Variants in RGS7 observed in about 807,000 individuals in gnomAD.
The protein encoded by RGS7 is regulator of G-protein signaling 7.
Under a neutral mutation model 81.1 loss-of-function variants are expected in RGS7, and 27 were observed. That is an observed-to-expected ratio of 0.33 (90% confidence interval 0.25 to 0.46). The LOEUF (loss-of-function observed/expected upper bound fraction) is 0.46, where lower values mean the gene tolerates loss of function less well. Among genes scored for constraint, RGS7 ranks in the 20% least tolerant of loss-of-function variants. The probability of loss-of-function intolerance (pLI) is 1.00; values close to 1 mark genes in which losing one functional copy is unlikely to be tolerated. For synonymous variants in RGS7, 208 were observed against 207.7 expected (o/e 1.00, Z -0.01); for missense variants, 396 against 607.4 (o/e 0.65, Z 3.66).
At chr1:240,956,014 T>C (rs1190743890) in intron 4 of RGS7, among the ~76,000 whole-genome samples, 1 of 152,202 alleles carries the variant, frequency 6.6e-6, no homozygotes, top group Admixed American at 6.5e-5. Context: ...CAACATGACC[T>C]TACATACCAG....
chr1:241,129,529 G>A (rs929689888), intron 2 of RGS7, among the ~76,000 whole-genome samples: 18 of 152,100 alleles, frequency 1.2e-4, no homozygotes, highest in African/African-American at 2.9e-4. Flanking sequence ...AAAAAGCATC[G>A]CCAGCACCCT....
chr1:241,355,289 AGTGGTC>A, intron 2 of RGS7, among the ~76,000 whole-genome samples: 1 of 152,222 alleles, frequency 6.6e-6, no homozygotes, highest in East Asian at 1.9e-4. Flanking sequence ...AAAATTGCAA[AGTGGTC>A]TACTTTTATT....
intron 4 of RGS7, among the ~76,000 whole-genome samples, chr1:240,937,419 T>G (rs1204401431): frequency 6.6e-6 from 1 of 152,226 alleles, no homozygotes; most frequent in Non-Finnish European, 1.5e-5. Context: ...TGCTTTTTCT[T>G]CTTTTTTCAG....
At chr1:241,100,894 T>C (rs1332652218) in intron 2 of RGS7, among the ~76,000 whole-genome samples, 1 of 152,216 alleles carries the variant, frequency 6.6e-6, no homozygotes, top group African/African-American at 2.4e-5. Context: ...CCTTGCCTTG[T>C]CTCTGCCCCC....
intron 9 of RGS7, among the ~76,000 whole-genome samples, chr1:240,864,894 T>C (rs1239067754): frequency 2.6e-5 from 4 of 152,212 alleles, no homozygotes; most frequent in Non-Finnish European, 4.4e-5. Context: ...GTGAGATTCA[T>C]AGATGTCATT....
chr1:241,141,781 C>T (rs1297429560), intron 2 of RGS7, among the ~76,000 whole-genome samples: 1 of 152,138 alleles, frequency 6.6e-6, no homozygotes, highest in Non-Finnish European at 1.5e-5. Flanking sequence ...ATGCCCCTGG[C>T]CCCTGGAAAA....
intron 2 of RGS7, among the ~76,000 whole-genome samples, chr1:241,105,316 C>A (rs568151650): frequency 8.9e-4 from 136 of 152,230 alleles, no homozygotes; most frequent in African/African-American, 3.1e-3. Flanking sequence ...CATGTGTAAG[C>A]CCTCAAGATG....
intron 2 of RGS7, among the ~76,000 whole-genome samples, chr1:241,240,766 T>C (rs192020964): frequency 2.4e-3 from 371 of 152,312 alleles, no homozygotes; most frequent in Non-Finnish European, 4.2e-3. Context: ...TTATGACATA[T>C]AGTTTTAAAT....
At chr1:241,057,389 C>G (rs1285443346) in intron 3 of RGS7, among the ~76,000 whole-genome samples, 1 of 152,150 alleles carries the variant, frequency 6.6e-6, no homozygotes, top group Non-Finnish European at 1.5e-5. Flanking sequence ...GTTATGTATT[C>G]AGACTTATTA....
intron 2 of RGS7, among the ~76,000 whole-genome samples, chr1:241,255,314 T>C (rs908667921): frequency 1.3e-5 from 2 of 152,216 alleles, no homozygotes; most frequent in Non-Finnish European, 2.9e-5. Context: ...AACCAGGTTT[T>C]ATAGAAGAGA....
At chr1:240,838,847 A>G (rs544102455) in intron 9 of RGS7, among the ~76,000 whole-genome samples, 92 of 152,072 alleles carry the variant, frequency 6.0e-4, no homozygotes, top group Non-Finnish European at 1.0e-3. Context: ...GCTCACCGCA[A>G]GCTCCGCCTC....
Position 241,205,442 on chromosome 1 carries a change from T to A in RGS7, c.79-106680A>T, listed in dbSNP as rs190634077. ...AAACCAATTAGCTAGTGGGAAAAAA[T>A]TAATTAGCATTTGTAGGATATACTT... On this transcript the variant is annotated intron_variant, in intron 2 of 18. Coordinates refer to ENST00000440928, the MANE Select transcript of RGS7 (RefSeq NM_001364886.1). Among the ~76,000 whole-genome samples the A allele has an allele frequency of 1.1e-4, 16 of 151,822 alleles. No individual in the cohort carries two copies. In the East Asian group the frequency reaches 2.9e-3, roughly 28 times the overall value.
intron 2 of RGS7, among the ~76,000 whole-genome samples, chr1:241,249,638 A>G (rs923953417): frequency 6.6e-6 from 1 of 152,152 alleles, no homozygotes; most frequent in Non-Finnish European, 1.5e-5. Flanking sequence ...ATTGCAATGA[A>G]TCTATAGATC....
intron 2 of RGS7, among the ~76,000 whole-genome samples, chr1:241,168,010 T>G (rs2070403767): frequency 6.6e-6 from 1 of 152,190 alleles, no homozygotes; most frequent in Admixed American, 6.5e-5. Context: ...TGAAAACTGT[T>G]TATTTGGAAT....
intron 2 of RGS7, among the ~76,000 whole-genome samples, chr1:241,212,357 G>C (rs1381268285): frequency 6.6e-6 from 1 of 152,232 alleles, no homozygotes; most frequent in East Asian, 1.9e-4. Context: ...TGTGTCACCT[G>C]AGAGGTGACA....
intron 3 of RGS7, among the ~76,000 whole-genome samples, chr1:241,097,776 G>T (rs1464550728): frequency 6.6e-6 from 1 of 152,116 alleles, no homozygotes; most frequent in African/African-American, 2.4e-5. Flanking sequence ...ACTCTTCCTT[G>T]TGTCTTGGGT....
chr1:241,265,629 CCAGA>C (rs1404872513), intron 2 of RGS7, among the ~76,000 whole-genome samples: 1 of 152,072 alleles, frequency 6.6e-6, no homozygotes, highest in African/African-American at 2.4e-5. Context: ...GACCAATTAT[CCAGA>C]CAAAGACTGA....
At chr1:241,304,526 G>A (rs2079968325) in intron 2 of RGS7, among the ~76,000 whole-genome samples, 1 of 152,112 alleles carries the variant, frequency 6.6e-6, no homozygotes, top group Admixed American at 6.5e-5. Context: ...TAGCTGAGAT[G>A]GGAATTTGGG....
At chr1:241,013,693 A>G (rs555972120) in intron 3 of RGS7, among the ~76,000 whole-genome samples, 1 of 152,302 alleles carries the variant, frequency 6.6e-6, no homozygotes, top group Admixed American at 6.5e-5. Context: ...TAGCTCAGCA[A>G]ATATGTCTCT....
Sources: gnomAD v4.1 joint callset for allele counts (sites outside exome capture counted in the v4.1 genomes callset) on GRCh38, gnomAD v4.1.1 for gene constraint, MANE v1.5 for transcripts, NCBI Gene and HGNC (gene_info 2026-07-23, HGNC 2026-07-21) for gene names.